EWSR1: variants seen among roughly 807,000 people sequenced by gnomAD.
The protein encoded by EWSR1 is RNA-binding protein EWS.
In EWSR1, 14 loss-of-function variants were observed where a neutral mutation model predicts 92.1. The observed-to-expected ratio is 0.15, with a 90% CI of 0.10 to 0.24. EWSR1 has a LOEUF of 0.24. Among genes scored for constraint, EWSR1 ranks in the 10% least tolerant of loss-of-function variants. The probability of loss-of-function intolerance (pLI) is 1.00; values close to 1 mark genes in which losing one functional copy is unlikely to be tolerated. For missense variants in EWSR1, 637 were observed against 870.9 expected (o/e 0.73, Z 3.38); for synonymous variants, 303 against 292.9 (o/e 1.03, Z -0.35).
intron 1 of EWSR1, among the ~76,000 whole-genome samples, chr22:29,270,108 C>T (rs978254163): frequency 2.0e-5 from 3 of 152,170 alleles, no homozygotes; most frequent in Non-Finnish European, 2.9e-5. Context: ...CAAATTTGTC[C>T]TATGCTGACT....
chr22:29,273,941 G>A lies in EWSR1; in HGVS notation c.226+77G>A, dbSNP rs936653110. 3.0e-5 allele frequency: 47 copies of A among 1,574,520 alleles called. No individual in the cohort carries two copies. The East Asian group carries it at 5.8e-4, about 19-fold the overall frequency. Reference sequence around the variant, plus strand: ...TAAGAAGCTTATTAGTCATGCTTTCGGATGTATATTCTGGTCCATACCTTG... The same window carrying A: ...TAAGAAGCTTATTAGTCATGCTTTCAGATGTATATTCTGGTCCATACCTTG... On this transcript the variant is annotated intron_variant, in intron 4 of 16. Transcript: ENST00000397938.
At position 29,273,848 on chromosome 22, in the gene EWSR1, T is replaced by C. The variant is rs770326364; in HGVS notation, c.210T>C (p.Tyr70=). The change falls in exon 4 of 17, where the codon TAT becomes TAC. Residue 70 remains tyrosine, a synonymous_variant. Coordinates refer to ENST00000397938, the MANE Select transcript of EWSR1 (RefSeq NM_005243.4). ...GGCAGACCGCCTATGCAACTTCTTA[T>C]GGACAGCCTCCCACTGGTAAGGCCT... is the stretch of plus-strand genomic sequence containing the variant. ...TYGQTAYATS[Y]GQPPTGYTTP... The C allele has an allele frequency of 3.7e-5, 60 of 1,613,944 alleles. No individual in the cohort carries two copies. Among genetic ancestry groups the C allele is most frequent in the Non-Finnish European group, 4.9e-5 (58 of 1,179,938 alleles).
At chr22:29,288,119 C>G (rs1350499810) in intron 7 of EWSR1, among the ~76,000 whole-genome samples, 1 of 151,920 alleles carries the variant, frequency 6.6e-6, no homozygotes, top group Non-Finnish European at 1.5e-5. Flanking sequence ...GTAACCAAAA[C>G]ACATAATTAT....
At chr22:29,287,268 G>C (rs981975925) in intron 7 of EWSR1, 134 bp downstream of exon 7, 19 of 857,414 alleles carry the variant, frequency 2.2e-5, no homozygotes, top group Non-Finnish European at 3.1e-5. Context: ...GAGTACAGTG[G>C]TGCCATCTCA....
intron 7 of EWSR1, 138 bp from the exon 8 acceptor site, chr22:29,288,468 G>T: frequency 1.4e-6 from 1 of 714,540 alleles, no homozygotes; most frequent in South Asian, 2.3e-5. Flanking sequence ...ACCTATTAAG[G>T]ATGCTTTATC....
intron 7 of EWSR1, among the ~76,000 whole-genome samples, chr22:29,287,912 C>A (rs538952852): frequency 6.6e-6 from 1 of 152,124 alleles, no homozygotes. Flanking sequence ...TGGTGGCTCA[C>A]ACCTGTAATC....
At chr22:29,287,752 A>G (rs185960803) in intron 7 of EWSR1, among the ~76,000 whole-genome samples, 1 of 152,330 alleles carries the variant, frequency 6.6e-6, no homozygotes, top group Admixed American at 6.5e-5. Flanking sequence ...CAGTGAGTAA[A>G]TTCAACATCG....
intron 4 of EWSR1, chr22:29,276,410 CTCTGTG>C: frequency 9.0e-6 from 2 of 222,144 alleles, no homozygotes; most frequent in Non-Finnish European, 1.8e-5. Context: ...ACATTACTAT[CTCTGTG>C]TATAATTTCA....
chr22:29,297,686 T>G (rs1474137865), intron 12 of EWSR1, 141 bp from the exon 13 acceptor site: 2 of 1,217,700 alleles, frequency 1.6e-6, no homozygotes, highest in African/African-American at 3.0e-5. Flanking sequence ...AAAAAAAGCC[T>G]TTTTCTGGCC....
At chr22:29,292,204 C>CT in intron 10 of EWSR1, 35 bp downstream of exon 10, 1 of 1,604,432 alleles carries the variant, frequency 6.2e-7, no homozygotes, top group South Asian at 1.1e-5. Context: ...TCATATCGTG[C>CT]TTTGTAAATT....
At chr22:29,298,507 C>CAAAAA (rs35896020) in intron 13 of EWSR1, among the ~76,000 whole-genome samples, 11 of 107,226 alleles carry the variant, frequency 1.0e-4, no homozygotes, top group African/African-American at 3.6e-4. Context: ...ACTCCGTCTC[C>CAAAAA]AAAAAAAAAA....
chr22:29,297,439 C>T (rs1367357476), intron 12 of EWSR1, among the ~76,000 whole-genome samples: 1 of 152,098 alleles, frequency 6.6e-6, no homozygotes. Context: ...TGCCTATAAT[C>T]CTACCACTTC....
intron 5 of EWSR1, among the ~76,000 whole-genome samples, chr22:29,279,919 A>G (rs557611455): frequency 4.6e-5 from 7 of 152,318 alleles, no homozygotes; most frequent in African/African-American, 1.7e-4. Flanking sequence ...TTGGGTTTTG[A>G]TAAGTCATCC....
chr22:29,268,306 A>T lies in EWSR1; in HGVS notation c.-31A>T. On this transcript the variant is annotated 5_prime_UTR_variant, in exon 1 of 17. Coordinates refer to ENST00000397938, the MANE Select transcript of EWSR1 (RefSeq NM_005243.4). Reference sequence around the variant, plus strand: ...TAGAGGGAAAGCGAGAGGGAGACGGACGTTGAGAGAACGAGGAGGAAGGAG... The same window carrying T: ...TAGAGGGAAAGCGAGAGGGAGACGGTCGTTGAGAGAACGAGGAGGAAGGAG... 2 of 1,612,126 alleles carry T rather than the reference A, an allele frequency of 1.2e-6. No homozygotes were observed. The highest frequency in any genetic ancestry group is 1.7e-6 in the Non-Finnish European group (2 of 1,178,212).
intron 8 of EWSR1, chr22:29,290,702 G>T: frequency 7.6e-7 from 1 of 1,309,000 alleles, no homozygotes; most frequent in Non-Finnish European, 9.8e-7. Flanking sequence ...AACATTTTAT[G>T]GTGTGTACTT....
chr22:29,271,398 T>C (rs1405413828), intron 1 of EWSR1, among the ~76,000 whole-genome samples: 1 of 152,232 alleles, frequency 6.6e-6, no homozygotes, highest in Non-Finnish European at 1.5e-5. Flanking sequence ...ATGCATGTTA[T>C]AAATTTCATA....
chr22:29,297,976 A>G (rs2060998255), intron 13 of EWSR1, 27 bp downstream of exon 13: 2 of 1,599,718 alleles, frequency 1.3e-6, no homozygotes. Context: ...CCTATGTTGC[A>G]TTAAAAGGTT....
rs747223579 is a variant in EWSR1, at chr22:29,299,608, G to C, written c.1688G>C (p.Arg563Pro). The change falls in exon 16 of 17, where the codon CGT (arginine) becomes CCT (proline). Residue 563 changes from arginine (R) to proline (P), a missense_variant. Coordinates refer to ENST00000397938, the MANE Select transcript of EWSR1 (RefSeq NM_005243.4). ...PPPFPPPGGD[R>P]GRGGPGGMRG... ...GCTATTCTCACCTTAGGTGGTGATC[G>C]TGGCAGAGGTGGCCCTGGTGGCATG... 32 of 1,599,002 alleles carry C rather than the reference G, an allele frequency of 2.0e-5. No homozygotes were observed. Among genetic ancestry groups the C allele is most frequent in the Non-Finnish European group, 2.7e-5 (32 of 1,171,046 alleles).
intron 6 of EWSR1, among the ~76,000 whole-genome samples, chr22:29,285,538 C>T (rs1228253895): frequency 6.6e-6 from 1 of 151,434 alleles, no homozygotes; most frequent in Non-Finnish European, 1.5e-5. Flanking sequence ...TCTGAAGTTT[C>T]CTCTATTAAT....
Sources: allele counts gnomAD v4.1 joint callset (sites outside exome capture counted in the v4.1 genomes callset), GRCh38; gene constraint gnomAD v4.1.1; transcripts MANE v1.5; gene names NCBI Gene and HGNC (gene_info 2026-07-23, HGNC 2026-07-21).